PDE6B: variants seen among roughly 807,000 people sequenced by gnomAD.
PDE6B encodes rod cGMP-specific 3',5'-cyclic phosphodiesterase subunit beta.
A neutral mutation model predicts 109.0 loss-of-function variants in PDE6B; 106 were observed. The observed-to-expected ratio is 0.97, with a 90% confidence interval of 0.83 to 1.14. PDE6B has a LOEUF of 1.14. Among genes scored for constraint, PDE6B ranks in the 50% most tolerant of loss-of-function variants. PDE6B has a pLI of 0.00. For synonymous variants in PDE6B, 490 were observed against 471.3 expected, an observed-to-expected ratio of 1.04 and a Z score of -0.51; for missense variants, 1,193 against 1,155.6, an observed-to-expected ratio of 1.03 and a Z score of -0.47.
rs746132578 is a variant in PDE6B at position 657,437 on chromosome 4, A to G, written c.1344A>G (p.Ala448=). The change falls in exon 10 of 22, where the codon GCA becomes GCG. Residue 448 remains alanine (A), a synonymous_variant. Coordinates refer to ENST00000496514, the MANE Select transcript of PDE6B (RefSeq NM_000283.4). ...MNKLENRKDI[A]QDMVLYHVKC... ...AGCTGGAGAACCGCAAGGACATCGCACAGGACATGGTCCTTTACCACGTGA... is the reference window on the plus strand; with the variant it reads ...AGCTGGAGAACCGCAAGGACATCGCGCAGGACATGGTCCTTTACCACGTGA... 6.2e-7 allele frequency: 1 copy of G among 1,613,218 alleles called. No individual in the cohort carries two copies. The highest frequency in any genetic ancestry group is 8.5e-7 in the Non-Finnish European group (1 of 1,179,806).
chr4:641,183 T>A (rs1166739977), intron 3 of PDE6B, among the ~76,000 whole-genome samples: 1 of 152,254 alleles, frequency 6.6e-6, no homozygotes, highest in African/African-American at 2.4e-5. Context: ...GAATATCTCT[T>A]CATTTATTTA....
intron 3 of PDE6B, among the ~76,000 whole-genome samples, chr4:639,736 C>T (rs768414443): frequency 4.6e-5 from 7 of 152,054 alleles, no homozygotes; most frequent in African/African-American, 7.2e-5. Context: ...TTAGGGAGGC[C>T]GAGGCGGGCA....
intron 11 of PDE6B, 63 bp downstream of exon 11, chr4:659,080 T>C (rs766924217): frequency 9.7e-6 from 12 of 1,234,996 alleles, no homozygotes; most frequent in Admixed American, 6.8e-5. Context: ...GGAGGAAGAG[T>C]TCTGCATTCT....
chr4:639,129 T>C (rs1237587556), intron 3 of PDE6B, among the ~76,000 whole-genome samples: 2 of 151,448 alleles, frequency 1.3e-5, no homozygotes, highest in South Asian at 2.1e-4. Flanking sequence ...TGGAGGGCAG[T>C]TTTGTTTTTT....
Position 626,001 on chromosome 4 carries a change from C to T in PDE6B, c.375C>T (p.Pro125=), listed in dbSNP as rs776796063. 64 of 1,584,068 alleles carry T rather than the reference C, an allele frequency of 4.0e-5. No homozygotes were observed. The highest frequency in any genetic ancestry group is 5.1e-5 in the Non-Finnish European group (60 of 1,165,730). The change falls in exon 1 of 22, where the codon CCC becomes CCT. Residue 125 remains proline, a synonymous_variant. Coordinates refer to ENST00000496514, the MANE Select transcript of PDE6B (RefSeq NM_000283.4). This position sits in a 1 kb window ranked among gnomAD's most constrained non-coding sequence, Gnocchi z 4.6. ...GCGTCCTGGAGGACTGCCTGGTGCC[C>T]CCCGACTCCGAGATCGTCTTCCCAC... The part of the protein sequence containing the change: ...PDSVLEDCLV[P]PDSEIVFPLD...
In PDE6B at chr4:657,037, C is replaced by T; in HGVS notation, c.1257+14C>T. The T allele has an allele frequency of 6.2e-7, 1 of 1,612,332 alleles. No homozygotes were observed. Among genetic ancestry groups the T allele is most frequent in the South Asian group, 1.1e-5 (1 of 91,072 alleles). ...GTTCTCATGGAGGTAAGCACCTGGG[C>T]AGACGTGGTTCCGCCGGGGATGCCC... On this transcript the variant is annotated intron_variant, in intron 9 of 21. Transcript: ENST00000496514.
intron 3 of PDE6B, among the ~76,000 whole-genome samples, chr4:641,831 G>T (rs1267806479): frequency 1.3e-5 from 2 of 151,998 alleles, no homozygotes; most frequent in Non-Finnish European, 2.9e-5. Flanking sequence ...ATTTTTAGTA[G>T]AGATGGGGTT....
intron 5 of PDE6B, chr4:654,621 G>A: frequency 3.0e-6 from 2 of 657,116 alleles, no homozygotes; most frequent in Admixed American, 4.2e-5. Context: ...GTGCATGTGT[G>A]GACATGGGTG....
rs553458409 is a variant in PDE6B at position 666,699 on chromosome 4, T to G, written c.2352+85T>G. The G allele has an allele frequency of 1.5e-4, 131 of 879,024 alleles. No homozygotes were observed. Among genetic ancestry groups the G allele is most frequent in the Non-Finnish European group, 2.4e-4 (125 of 515,644 alleles). 54.5% of individuals were successfully genotyped at this position (879,024 alleles called of 1,614,324 possible). A position where few individuals can be genotyped will look rare whatever the true frequency, so the allele number is the denominator to read the frequency against. Reference sequence around the variant, plus strand: ...GGGCGCGGGCTGGAGTCGCGTGGACTCACACGGGCCCGGCGGTGTCCTCAC... The same window carrying G: ...GGGCGCGGGCTGGAGTCGCGTGGACGCACACGGGCCCGGCGGTGTCCTCAC... On this transcript the variant is annotated intron_variant, in intron 20 of 21. Coordinates refer to ENST00000496514, the MANE Select transcript of PDE6B (RefSeq NM_000283.4). This position sits in a 1 kb window ranked among gnomAD's most constrained non-coding sequence, Gnocchi z 5.6.
chr4:651,938 G>GCT (rs1457982944), intron 3 of PDE6B: 1 of 65,532 alleles, frequency 1.5e-5, no homozygotes, highest in Non-Finnish European at 3.6e-5. Flanking sequence ...GGGCTGGGAA[G>GCT]GCTGGGAGCT....
rs1738377275 is a variant in PDE6B, at chr4:670,318, C to G, written c.*211C>G. 1.7e-6 allele frequency: 1 copy of G among 575,430 alleles called. No individual in the cohort carries two copies. The highest frequency in any genetic ancestry group is 2.8e-6 in the Non-Finnish European group (1 of 351,702). 35.6% of individuals were successfully genotyped at this position (575,430 alleles called of 1,614,324 possible). Reference sequence around the variant, plus strand: ...AGTGCCGTGGCACGATCTCAGCTCACTGCAACCTCCACCTCCCAGGTTCAA... The same window carrying G: ...AGTGCCGTGGCACGATCTCAGCTCAGTGCAACCTCCACCTCCCAGGTTCAA... On this transcript the variant is annotated 3_prime_UTR_variant, in exon 22 of 22. Coordinates refer to ENST00000496514, the MANE Select transcript of PDE6B (RefSeq NM_000283.4).
At chr4:659,141 G>C (rs959410780) in intron 11 of PDE6B, 124 bp downstream of exon 11, 1 of 749,778 alleles carries the variant, frequency 1.3e-6, no homozygotes, top group Admixed American at 2.0e-5. Context: ...TGTTGGTGCT[G>C]TGTGTGTATA....
chr4:653,352 G>C, intron 3 of PDE6B: 2 of 1,084,022 alleles, frequency 1.8e-6, no homozygotes, highest in Non-Finnish European at 2.3e-6. Flanking sequence ...CGCTGACCCA[G>C]CAACCAGGGG....
In PDE6B at chr4:635,955, ACGCGC is replaced by A; in HGVS notation, c.702_706del (p.Arg235ProfsTer12). The A allele has an allele frequency of 6.2e-7, 1 of 1,605,686 alleles. No individual in the cohort carries two copies. Among genetic ancestry groups the A allele is most frequent in the South Asian group, 1.1e-5 (1 of 90,884 alleles). ...CCTGAGCTACCTCCACAACTGCGAG[ACGCGC>A]CGCGGCCAGGTACCCACACGCTGAG... On this transcript the variant is annotated frameshift_variant, in exon 3 of 22. Transcript: ENST00000496514. LOFTEE classifies it high-confidence loss of function.
At position 625,794 on chromosome 4, in the gene PDE6B, C is replaced by G; in HGVS notation, c.168C>G (p.Ser56Arg). Residue 56 changes from serine to arginine, a missense_variant, in exon 1 of 22, where the codon AGC (serine) becomes AGG (arginine). Coordinates refer to ENST00000496514, the MANE Select transcript of PDE6B (RefSeq NM_000283.4). The surrounding 1 kb of genome is among the most constrained non-coding windows in gnomAD (Gnocchi z 5.0). Reference sequence around the variant, plus strand: ...GGGACCTCTGCCAGGTGGAGGAGAGCACGGCGCTGCTGGAGCTGGTGCAGG... The same window carrying G: ...GGGACCTCTGCCAGGTGGAGGAGAGGACGGCGCTGCTGGAGCTGGTGCAGG... Reference protein sequence around the residue: ...SLRDLCQVEESTALLELVQDM... With the variant: ...SLRDLCQVEERTALLELVQDM... The G allele has an allele frequency of 6.2e-7, 1 of 1,613,370 alleles. No individual in the cohort carries two copies. Among genetic ancestry groups the G allele is most frequent in the Non-Finnish European group, 8.5e-7 (1 of 1,179,934 alleles).
At chr4:638,478 A>G (rs1031477143) in intron 3 of PDE6B, among the ~76,000 whole-genome samples, 3 of 152,000 alleles carry the variant, frequency 2.0e-5, no homozygotes, top group Admixed American at 1.3e-4. Context: ...GCCCACCACC[A>G]CGCCCAGCTA....
Position 663,264 on chromosome 4 carries a change from C to T in PDE6B, c.1920+77C>T, listed in dbSNP as rs986929949. ...CGCAGGACGGCAGGGCCGTATCCTG[C>T]GGAGCAGGGTTCTGATGCAGCGGGT... is the stretch of plus-strand genomic sequence containing the variant. On this transcript the variant is annotated intron_variant, in intron 15 of 21. Transcript: ENST00000496514. This position sits in a 1 kb window ranked among gnomAD's most constrained non-coding sequence, Gnocchi z 4.0. 1.3e-4 allele frequency: 113 copies of T among 864,138 alleles called. No homozygotes were observed. Among genetic ancestry groups the T allele is most frequent in the Middle Eastern group, 6.6e-4 (3 of 4,572 alleles). The allele number at this position is 864,138 out of a possible 1,614,324, so 53.5% of individuals were successfully genotyped here.
chr4:645,321 A>T, intron 3 of PDE6B, among the ~76,000 whole-genome samples: 1 of 119,036 alleles, frequency 8.4e-6, no homozygotes, highest in East Asian at 2.4e-4. Context: ...TTTGAGACGG[A>T]GTCTCGCTCT....
Position 670,348 on chromosome 4 carries a change from T to A in PDE6B, c.*241T>A. 1 of 455,186 alleles carries A rather than the reference T, an allele frequency of 2.2e-6. No individual in the cohort carries two copies. Among genetic ancestry groups the A allele is most frequent in the Non-Finnish European group, 3.9e-6 (1 of 255,334 alleles). The allele number at this position is 455,186 out of a possible 1,614,324, so 28.2% of individuals were successfully genotyped here. A position where few individuals can be genotyped will look rare whatever the true frequency, so the allele number is the denominator to read the frequency against. ...ACCTCCACCTCCCAGGTTCAAGCGA[T>A]TCTCGTGCCTCAGCCTCCTGAGTAG... is the stretch of plus-strand genomic sequence containing the variant. On this transcript the variant is annotated 3_prime_UTR_variant, in exon 22 of 22. Coordinates refer to ENST00000496514, the MANE Select transcript of PDE6B (RefSeq NM_000283.4).
Sources: gnomAD v4.1 joint callset for allele counts (sites outside exome capture counted in the v4.1 genomes callset) on GRCh38, gnomAD v4.1.1 for gene constraint, Gnocchi (gnomAD v3.1) non-coding constraint, MANE v1.5 for transcripts, NCBI Gene and HGNC (gene_info 2026-07-23, HGNC 2026-07-21) for gene names.